The following PCDHGA8 variants were observed in gnomAD, a reference collection of about 807,000 sequenced individuals.
The protein encoded by PCDHGA8 is protocadherin gamma-A8.
Under a neutral mutation model 59.2 loss-of-function variants are expected in PCDHGA8, and 45 were observed. The observed-to-expected ratio is 0.76, with a 90% CI of 0.60 to 0.98. PCDHGA8 has a LOEUF of 0.98. PCDHGA8 is among the 50% of genes least tolerant of loss of function. The pLI is 0.00. For synonymous variants in PCDHGA8, 531 were observed against 519.0 expected, an observed-to-expected ratio of 1.02 and a Z score of -0.32; for missense variants, 1,257 against 1,196.2, an observed-to-expected ratio of 1.05 and a Z score of -0.75.
At chr5:141,492,703 G>A (rs2099743198) in intron 1 of PCDHGA8, among the ~76,000 whole-genome samples, 1 of 152,246 alleles carries the variant, frequency 6.6e-6, no homozygotes, top group Non-Finnish European at 1.5e-5. Flanking sequence ...CAACCCAGAA[G>A]CCTCGAGCAG....
rs201409669 is a variant in PCDHGA8 at position 141,490,703 on chromosome 5, G to A, written c.2425-4104G>A. The stretch of plus-strand genomic sequence containing the variant: ...GATCCAGACACTGGGGATAATGCCC[G>A]CCTCACCTACTCCATTGTAGGAAAT... On this transcript the variant is annotated intron_variant, in intron 1 of 3. Coordinates refer to ENST00000398604, the MANE Select transcript of PCDHGA8 (RefSeq NM_032088.2). This position sits in a 1 kb window ranked among gnomAD's most constrained non-coding sequence, Gnocchi z 5.4. 2.6e-4 allele frequency: 421 copies of A among 1,614,106 alleles called. No homozygotes were observed. Among genetic ancestry groups the A allele is most frequent in the Middle Eastern group, 6.6e-4 (4 of 6,062 alleles).
rs763072566 is a variant in PCDHGA8 at position 141,419,417 on chromosome 5, T to G, written c.2424+24180T>G. The stretch of plus-strand genomic sequence containing the variant: ...CGGGGTGGTGTTCGCGCAGCGCGCC[T>G]TCGACCACGAGCAGCTGCGCACCTT... On this transcript the variant is annotated intron_variant, in intron 1 of 3. Transcript: ENST00000398604. 3.0e-5 allele frequency: 48 copies of G among 1,613,288 alleles called. No homozygotes were observed. Among genetic ancestry groups the G allele is most frequent in the Non-Finnish European group, 3.8e-5 (45 of 1,179,884 alleles).
At chr5:141,403,773 A>G (rs1286965459) in intron 1 of PCDHGA8, 5 of 1,613,956 alleles carry the variant, frequency 3.1e-6, no homozygotes, top group Non-Finnish European at 4.2e-6. Flanking sequence ...GAGGGAATCA[A>G]CGGAAAAGTG....
intron 2 of PCDHGA8, 145 bp downstream of exon 2, chr5:141,495,010 G>GT: frequency 6.6e-7 from 1 of 1,516,970 alleles, no homozygotes; most frequent in East Asian, 2.5e-5. Flanking sequence ...GTGTGCGGGG[G>GT]GCTGGCACAC....
At chr5:141,447,947 A>G (rs2098555998) in intron 1 of PCDHGA8, among the ~76,000 whole-genome samples, 1 of 151,958 alleles carries the variant, frequency 6.6e-6, no homozygotes, top group South Asian at 2.1e-4. Flanking sequence ...TTAGCTGGGC[A>G]TGGTGGCGGA....
chr5:141,415,506 C>G, intron 1 of PCDHGA8: 1 of 1,614,148 alleles, frequency 6.2e-7, no homozygotes, highest in Non-Finnish European at 8.5e-7. Flanking sequence ...TCCCCCAGCC[C>G]AATTATGCGG....
intron 1 of PCDHGA8, among the ~76,000 whole-genome samples, chr5:141,463,966 A>C (rs923614502): frequency 4.6e-5 from 7 of 152,196 alleles, no homozygotes; most frequent in African/African-American, 1.7e-4. Context: ...AAATAGCTTC[A>C]TAAAACTCCA....
At chr5:141,463,460 T>TA (rs1554144871) in intron 1 of PCDHGA8, among the ~76,000 whole-genome samples, 2 of 136,122 alleles carry the variant, frequency 1.5e-5, no homozygotes, top group Non-Finnish European at 3.1e-5. Context: ...TTTTTTTTTT[T>TA]TTTTTTGAGA....
In PCDHGA8 at chr5:141,419,578, G is replaced by A. The variant is rs1339676992; in HGVS notation, c.2424+24341G>A. The A allele has an allele frequency of 1.9e-6, 3 of 1,611,604 alleles. No individual in the cohort carries two copies. In the Admixed American group the frequency reaches 5.0e-5, roughly 27 times the overall value. On this transcript the variant is annotated intron_variant, in intron 1 of 3. Transcript: ENST00000398604. ...CTGCGCTGGGTCCCGACGGCTCCGC[G>A]CTCTTCGACACAGTGCCGCGGGCCG...
chr5:141,420,933 T>C (rs1227912236), intron 1 of PCDHGA8: 1 of 375,320 alleles, frequency 2.7e-6, no homozygotes, highest in African/African-American at 2.1e-5. Context: ...GTGAGCGTAA[T>C]CATTTCTTCT....
At position 141,486,094 on chromosome 5, in the gene PCDHGA8, C is replaced by G. The variant is rs749887136; in HGVS notation, c.2425-8713C>G. 2 of 1,614,112 alleles carry G rather than the reference C, an allele frequency of 1.2e-6. No homozygotes were observed. Among genetic ancestry groups the G allele is most frequent in the Admixed American group, 3.3e-5 (2 of 60,018 alleles). ...CTGGAAAGCTTACTCTTTTGGGGCCCCTAGACTTTGAGAGTGAGAATTACT... is the reference window on the plus strand; with the variant it reads ...CTGGAAAGCTTACTCTTTTGGGGCCGCTAGACTTTGAGAGTGAGAATTACT... On this transcript the variant is annotated intron_variant, in intron 1 of 3. Coordinates refer to ENST00000398604, the MANE Select transcript of PCDHGA8 (RefSeq NM_032088.2). The surrounding 1 kb of genome is among the most constrained non-coding windows in gnomAD (Gnocchi z 5.0).
intron 1 of PCDHGA8, among the ~76,000 whole-genome samples, chr5:141,446,193 T>C (rs1402824950): frequency 6.6e-6 from 1 of 152,208 alleles, no homozygotes; most frequent in East Asian, 1.9e-4. Flanking sequence ...TTTATTATTA[T>C]ATTCCTAGGT....
intron 1 of PCDHGA8, among the ~76,000 whole-genome samples, chr5:141,465,592 A>G (rs1485357197): frequency 6.6e-6 from 1 of 152,046 alleles, no homozygotes; most frequent in Non-Finnish European, 1.5e-5. Flanking sequence ...TAATAATCAG[A>G]TCTTATCACT....
chr5:141,457,429 C>A (rs73280316), intron 1 of PCDHGA8, among the ~76,000 whole-genome samples: 7 of 152,178 alleles, frequency 4.6e-5, no homozygotes, highest in Non-Finnish European at 7.4e-5. Flanking sequence ...TTTTCCCCCC[C>A]ACCAAGCTGC....
intron 1 of PCDHGA8, among the ~76,000 whole-genome samples, chr5:141,443,210 G>A (rs142248407): frequency 3.2e-4 from 49 of 151,888 alleles, no homozygotes; most frequent in African/African-American, 9.4e-4. Context: ...AGCTTGTCTC[G>A]CCAGGCGCAT....
At chr5:141,464,408 T>C (rs2154568477) in intron 1 of PCDHGA8, among the ~76,000 whole-genome samples, 1 of 151,718 alleles carries the variant, frequency 6.6e-6, no homozygotes, top group African/African-American at 2.4e-5. Flanking sequence ...CTGAGATATA[T>C]ATATATCTAT....
chr5:141,403,340 G>T, intron 1 of PCDHGA8: 3 of 1,613,982 alleles, frequency 1.9e-6, no homozygotes, highest in African/African-American at 1.3e-5. Flanking sequence ...TAACGACAGC[G>T]CCCCAAAGTT....
At chr5:141,478,576 G>A (rs543160289) in intron 1 of PCDHGA8, 1 of 1,585,480 alleles carries the variant, frequency 6.3e-7, no homozygotes, top group Non-Finnish European at 8.6e-7. Flanking sequence ...GCTTGACCCT[G>A]TTAGTGCTTT....
intron 1 of PCDHGA8, among the ~76,000 whole-genome samples, chr5:141,466,292 T>C (rs1050311680): frequency 3.3e-5 from 5 of 152,134 alleles, no homozygotes; most frequent in Non-Finnish European, 5.9e-5. Context: ...CACCTCAGGC[T>C]CCCAAGTAGC....
Sources: gnomAD v4.1 joint callset for allele counts (sites outside exome capture counted in the v4.1 genomes callset) on GRCh38, gnomAD v4.1.1 for gene constraint, Gnocchi (gnomAD v3.1) non-coding constraint, MANE v1.5 for transcripts, NCBI Gene and HGNC (gene_info 2026-07-23, HGNC 2026-07-21) for gene names.